Variants in BCKDHB observed in about 807,000 individuals in gnomAD.
The protein encoded by BCKDHB is branched chain keto acid dehydrogenase E1 subunit beta, also known as 2-oxoisovalerate dehydrogenase subunit beta, mitochondrial.
A neutral mutation model predicts 48.5 loss-of-function variants in BCKDHB; 41 were observed. That is an observed-to-expected ratio of 0.85 (90% CI 0.66 to 1.10). The LOEUF is 1.10. Among genes scored for constraint, BCKDHB ranks in the 50% least tolerant of loss-of-function variants. The pLI, the probability that BCKDHB is intolerant of heterozygous loss-of-function variation, is 0.00. For synonymous variants in BCKDHB, 201 were observed against 174.8 expected (o/e 1.15, Z -1.18); for missense variants, 496 against 494.2 (o/e 1.00, Z -0.03).
intron 8 of BCKDHB, among the ~76,000 whole-genome samples, chr6:80,226,493 C>T (rs944178372): frequency 6.6e-6 from 1 of 152,176 alleles, no homozygotes; most frequent in Non-Finnish European, 1.5e-5. Context: ...AACTTTGCAT[C>T]CCTTTTTGGC....
chr6:80,417,424 G>C, the BCKDHB span, among the ~76,000 whole-genome samples: 1 of 152,138 alleles, frequency 6.6e-6, no homozygotes, highest in Admixed American at 6.5e-5. Flanking sequence ...TTGTTTATGC[G>C]GTTGTTTTAT....
chr6:80,265,202 G>A (rs1452664095), intron 8 of BCKDHB, among the ~76,000 whole-genome samples: 1 of 152,020 alleles, frequency 6.6e-6, no homozygotes, highest in African/African-American at 2.4e-5. Flanking sequence ...CCACTTCTGG[G>A]TATATATACA....
intron 9 of BCKDHB, among the ~76,000 whole-genome samples, chr6:80,297,785 G>C (rs1767330407): frequency 6.6e-6 from 1 of 152,106 alleles, no homozygotes; most frequent in Non-Finnish European, 1.5e-5. Context: ...ACTGCCATTA[G>C]CTAGCCCCAA....
chr6:80,174,165 T>C (rs773621210), intron 6 of BCKDHB, among the ~76,000 whole-genome samples: 2 of 152,152 alleles, frequency 1.3e-5, no homozygotes, highest in Non-Finnish European at 2.9e-5. Context: ...ATAGTTAAAA[T>C]TGAATGGATG....
downstream of BCKDHB, among the ~76,000 whole-genome samples, chr6:80,350,089 A>G (rs1770351013): frequency 6.6e-6 from 1 of 152,064 alleles, no homozygotes; most frequent in African/African-American, 2.4e-5. Context: ...ACCACATCCT[A>G]GATCAATAGT....
chr6:80,190,370 T>G (rs990877562), intron 6 of BCKDHB, among the ~76,000 whole-genome samples: 1 of 152,226 alleles, frequency 6.6e-6, no homozygotes, highest in South Asian at 2.1e-4. Flanking sequence ...AAGCTTGATA[T>G]ATGTTTATAT....
intron 3 of BCKDHB, among the ~76,000 whole-genome samples, chr6:80,142,726 G>T (rs1771284090): frequency 6.6e-6 from 1 of 152,034 alleles, no homozygotes; most frequent in Admixed American, 6.6e-5. Flanking sequence ...CTAACTTTAA[G>T]ACTATTAAGT....
the BCKDHB span, among the ~76,000 whole-genome samples, chr6:80,413,273 G>GT: frequency 6.6e-6 from 1 of 152,044 alleles, no homozygotes; most frequent in Non-Finnish European, 1.5e-5. Flanking sequence ...TAAGCTCACC[G>GT]TAAGTATGTA....
chr6:80,299,770 C>T (rs1350297392), intron 9 of BCKDHB, among the ~76,000 whole-genome samples: 2 of 152,236 alleles, frequency 1.3e-5, no homozygotes, highest in East Asian at 1.9e-4. Context: ...AAGTATATAA[C>T]CCACAGCCAC....
At chr6:80,123,958 T>C (rs1214358481) in intron 1 of BCKDHB, among the ~76,000 whole-genome samples, 1 of 152,198 alleles carries the variant, frequency 6.6e-6, no homozygotes, top group African/African-American at 2.4e-5. Flanking sequence ...TTGCTCTTGC[T>C]TCTCTAGTTC....
chr6:80,277,465 A>T (rs1465091573), intron 9 of BCKDHB, among the ~76,000 whole-genome samples: 1 of 151,996 alleles, frequency 6.6e-6, no homozygotes, highest in Admixed American at 6.6e-5. Context: ...AATAGAGTAA[A>T]TTTTTTTAAG....
chr6:80,126,704 G>T (rs536333646), intron 1 of BCKDHB, among the ~76,000 whole-genome samples: 93 of 152,154 alleles, frequency 6.1e-4, no homozygotes, highest in African/African-American at 2.1e-3. Flanking sequence ...TTAAAGTTTT[G>T]GGATGACTGT....
chr6:80,308,804 G>A (rs377686125), intron 9 of BCKDHB, among the ~76,000 whole-genome samples: 46 of 151,582 alleles, frequency 3.0e-4, no homozygotes, highest in Admixed American at 1.1e-3. Flanking sequence ...ACCGTGTCTC[G>A]ATCTCCTGAT....
At chr6:80,424,454 C>G in the BCKDHB span, among the ~76,000 whole-genome samples, 1 of 151,942 alleles carries the variant, frequency 6.6e-6, no homozygotes, top group Admixed American at 6.6e-5. Context: ...GTAATATAAC[C>G]CAGATTAATG....
intron 3 of BCKDHB, among the ~76,000 whole-genome samples, chr6:80,149,500 C>T (rs1771655249): frequency 6.6e-6 from 1 of 151,948 alleles, no homozygotes; most frequent in South Asian, 2.1e-4. Flanking sequence ...AATCATGCTG[C>T]TATAAAGACA....
chr6:80,138,909 A>G (rs1227219401), intron 3 of BCKDHB, among the ~76,000 whole-genome samples: 1 of 152,214 alleles, frequency 6.6e-6, no homozygotes, highest in South Asian at 2.1e-4. Context: ...ACTAGTTTAT[A>G]GTCCCAGCAA....
intron 3 of BCKDHB, among the ~76,000 whole-genome samples, chr6:80,138,133 T>C (rs528201697): frequency 9.9e-5 from 15 of 152,018 alleles, no homozygotes; most frequent in African/African-American, 3.6e-4. Context: ...TTCCATGTAA[T>C]GTGGACACTG....
intron 8 of BCKDHB, among the ~76,000 whole-genome samples, chr6:80,272,192 G>T (rs1425837616): frequency 2.0e-5 from 3 of 152,124 alleles, no homozygotes; most frequent in African/African-American, 7.2e-5. Context: ...TATGCTAGCT[G>T]AAACTGCTGC....
At chr6:80,241,342 A>G (rs1319506160) in intron 8 of BCKDHB, among the ~76,000 whole-genome samples, 1 of 152,184 alleles carries the variant, frequency 6.6e-6, no homozygotes, top group Non-Finnish European at 1.5e-5. Flanking sequence ...TCTGATTTTT[A>G]GAATTTTCAG....
Sources: allele counts gnomAD v4.1 joint callset (sites outside exome capture counted in the v4.1 genomes callset), GRCh38; gene constraint gnomAD v4.1.1; transcripts MANE v1.5; gene names NCBI Gene and HGNC (gene_info 2026-07-23, HGNC 2026-07-21).